Variants in FRMD4A observed in about 807,000 individuals in gnomAD.
FRMD4A encodes FERM domain containing 4A, also known as FERM domain-containing protein 4A.
A neutral mutation model predicts 129.1 loss-of-function variants in FRMD4A; 29 were observed. The ratio of observed to expected loss-of-function variants is 0.22; its 90% CI spans 0.17 to 0.31. The LOEUF is 0.31. FRMD4A is among the 10% of genes least tolerant of loss of function. FRMD4A has a pLI of 1.00. For synonymous variants in FRMD4A, 634 were observed against 571.6 expected, an observed-to-expected ratio of 1.11 and a Z score of -1.56; for missense variants, 1,272 against 1,375.8, an observed-to-expected ratio of 0.92 and a Z score of 1.19.
At chr10:13,887,090 C>A (rs1410251465) in intron 2 of FRMD4A, among the ~76,000 whole-genome samples, 3 of 152,198 alleles carry the variant, frequency 2.0e-5, no homozygotes, top group Non-Finnish European at 4.4e-5. Flanking sequence ...AAACATCACA[C>A]AGTGTAGAGA....
At chr10:13,757,284 C>T (rs377287313) in intron 8 of FRMD4A, among the ~76,000 whole-genome samples, 4 of 152,182 alleles carry the variant, frequency 2.6e-5, no homozygotes, top group African/African-American at 9.6e-5. Context: ...TTTTGTTTTA[C>T]ATGTATATAC....
At chr10:14,160,107 A>T (rs1840806925) in intron 2 of FRMD4A, among the ~76,000 whole-genome samples, 1 of 152,218 alleles carries the variant, frequency 6.6e-6, no homozygotes, top group African/African-American at 2.4e-5. Context: ...TTGGTATAAA[A>T]ACAGACACAT....
At chr10:13,670,750 G>A (rs978996776) in intron 16 of FRMD4A, among the ~76,000 whole-genome samples, 2 of 152,232 alleles carry the variant, frequency 1.3e-5, no homozygotes, top group Non-Finnish European at 2.9e-5. Flanking sequence ...ATGTAGAATA[G>A]TTGCACTTCC....
At chr10:14,148,464 TTAAGAAACA>T (rs1015864233) in intron 2 of FRMD4A, among the ~76,000 whole-genome samples, 3 of 152,174 alleles carry the variant, frequency 2.0e-5, no homozygotes, top group African/African-American at 7.2e-5. Flanking sequence ...TGGTTGTTGT[TTAAGAAACA>T]ATGAGAATGG....
intron 2 of FRMD4A, among the ~76,000 whole-genome samples, chr10:14,254,584 T>A (rs900807667): frequency 6.6e-6 from 1 of 152,086 alleles, no homozygotes; most frequent in Non-Finnish European, 1.5e-5. Flanking sequence ...CACCTTTCTT[T>A]ACAATGTGGG....
chr10:13,897,955 A>G (rs12259998), intron 2 of FRMD4A, among the ~76,000 whole-genome samples: 1,777 of 132,294 alleles, frequency 0.013, 47 homozygotes, highest in African/African-American at 0.042. Flanking sequence ...AAAAAAAAAA[A>G]GCTAAGATAT....
At chr10:13,700,196 C>G (rs2086664093) in intron 14 of FRMD4A, among the ~76,000 whole-genome samples, 1 of 151,844 alleles carries the variant, frequency 6.6e-6, no homozygotes, top group Non-Finnish European at 1.5e-5. Context: ...GATCCTCCTG[C>G]CTTGGCCTCC....
intron 2 of FRMD4A, among the ~76,000 whole-genome samples, chr10:14,236,995 C>CAAAAAAAAAAAAA (rs71477244): frequency 1.1e-4 from 8 of 75,392 alleles, no homozygotes; most frequent in African/African-American, 3.8e-4. Flanking sequence ...AACAGGTCAG[C>CAAAAAAAAAAAAA]AAAAAAAAAA....
At chr10:14,323,082 A>G (rs555224768) in intron 2 of FRMD4A, among the ~76,000 whole-genome samples, 1 of 152,350 alleles carries the variant, frequency 6.6e-6, no homozygotes, top group South Asian at 2.1e-4. Flanking sequence ...AATGGCTCAC[A>G]TGGCCACAGG....
chr10:14,067,173 G>C (rs1835099712), intron 2 of FRMD4A, among the ~76,000 whole-genome samples: 1 of 151,884 alleles, frequency 6.6e-6, no homozygotes, highest in Admixed American at 6.6e-5. Flanking sequence ...AAAATTAGCT[G>C]GGCGTGGTGG....
chr10:14,208,874 G>A (rs112261875), intron 2 of FRMD4A, among the ~76,000 whole-genome samples: 6 of 152,154 alleles, frequency 3.9e-5, no homozygotes, highest in Non-Finnish European at 5.9e-5. Flanking sequence ...CTGAAAGGCC[G>A]CTAAGTTGCT....
intron 2 of FRMD4A, among the ~76,000 whole-genome samples, chr10:14,092,588 A>C (rs1442579072): frequency 6.6e-6 from 1 of 152,234 alleles, no homozygotes; most frequent in Admixed American, 6.5e-5. Flanking sequence ...GTAACCTTCC[A>C]TCAGTGTTCA....
chr10:14,169,601 T>A (rs1272111366), intron 2 of FRMD4A, among the ~76,000 whole-genome samples: 1 of 152,226 alleles, frequency 6.6e-6, no homozygotes, highest in Non-Finnish European at 1.5e-5. Flanking sequence ...CTTTGGTTTC[T>A]TGTCTCCTCC....
intron 2 of FRMD4A, among the ~76,000 whole-genome samples, chr10:14,188,722 T>C (rs147427502): frequency 1.2e-4 from 18 of 152,206 alleles, no homozygotes; most frequent in Non-Finnish European, 2.5e-4. Flanking sequence ...CTGGGCAACA[T>C]AGTGAGACCC....
chr10:13,685,561 AG>A (rs1315970031), intron 15 of FRMD4A: 6 of 985,130 alleles, frequency 6.1e-6, no homozygotes, highest in Non-Finnish European at 7.2e-6. Context: ...TGTGAATTTC[AG>A]TCATCCTCAT....
intron 2 of FRMD4A, among the ~76,000 whole-genome samples, chr10:13,942,925 C>A (rs2095304197): frequency 6.6e-6 from 1 of 151,576 alleles, no homozygotes; most frequent in African/African-American, 2.4e-5. Context: ...GAGTGAGACT[C>A]CATCTCAACA....
chr10:13,893,911 A>C (rs2797875), intron 2 of FRMD4A, among the ~76,000 whole-genome samples: 1 of 152,180 alleles, frequency 6.6e-6, no homozygotes, highest in Non-Finnish European at 1.5e-5. Flanking sequence ...GGCCACTGTC[A>C]TATTCTGTAT....
At chr10:14,185,660 CTGTGCAGA>C (rs1207755424) in intron 2 of FRMD4A, among the ~76,000 whole-genome samples, 15 of 152,140 alleles carry the variant, frequency 9.9e-5, no homozygotes, top group African/African-American at 1.7e-4. Context: ...CGGTTGTTAG[CTGTGCAGA>C]TGAGCAGAAG....
At chr10:13,682,874 C>T (rs1023189296) in intron 15 of FRMD4A, among the ~76,000 whole-genome samples, 29 of 152,166 alleles carry the variant, frequency 1.9e-4, no homozygotes, top group African/African-American at 6.3e-4. Context: ...CTCTGCTATT[C>T]TGTCTTCTGC....
Sources: allele counts gnomAD v4.1 joint callset (sites outside exome capture counted in the v4.1 genomes callset), GRCh38; gene constraint gnomAD v4.1.1; transcripts MANE v1.5; gene names NCBI Gene and HGNC (gene_info 2026-07-23, HGNC 2026-07-21).